GLYATL1: variants seen among roughly 807,000 people sequenced by gnomAD.
The protein encoded by GLYATL1 is glycine-N-acyltransferase like 1.
GLYATL1 carries 15 observed loss-of-function variants against 20.0 expected under a neutral mutation model. The observed-to-expected ratio is 0.75, with a 90% CI of 0.50 to 1.15. The LOEUF (loss-of-function observed/expected upper bound fraction) is 1.15. Among genes scored for constraint, GLYATL1 ranks in the 50% most tolerant of loss-of-function variants. GLYATL1 has a pLI of 0.00. For synonymous variants in GLYATL1, 151 were observed against 131.5 expected (o/e 1.15, Z -1.01); for missense variants, 380 against 368.5 (o/e 1.03, Z -0.26).
chr11:58,951,631 A>C (rs916421047), intron 4 of GLYATL1, among the ~76,000 whole-genome samples: 1 of 152,122 alleles, frequency 6.6e-6, no homozygotes, highest in African/African-American at 2.4e-5. Flanking sequence ...AAATTTTTTC[A>C]TCAAGAAATA....
intron 2 of GLYATL1, among the ~76,000 whole-genome samples, chr11:58,944,637 G>A (rs1856435359): frequency 6.6e-6 from 1 of 151,760 alleles, no homozygotes; most frequent in South Asian, 2.1e-4. Context: ...TCAAGTCCTT[G>A]TCCACATGCA....
At chr11:58,917,762 C>A (rs1168947084) in intron 1 of GLYATL1, among the ~76,000 whole-genome samples, 2 of 152,182 alleles carry the variant, frequency 1.3e-5, no homozygotes, top group African/African-American at 4.8e-5. Context: ...TAAGTTTACT[C>A]ATATCATGGG....
At chr11:58,924,309 C>T (rs1450286668), upstream of GLYATL1, among the ~76,000 whole-genome samples, 1 of 152,212 alleles carries the variant, frequency 6.6e-6, no homozygotes, top group East Asian at 1.9e-4. Context: ...CAATCTCACC[C>T]TGAGAGGGCC....
chr11:58,943,404 T>C, intron 1 of GLYATL1, 139 bp from the exon 2 acceptor site: 1 of 1,530,906 alleles, frequency 6.5e-7, no homozygotes, highest in South Asian at 1.3e-5. Flanking sequence ...TTTTTGTCTA[T>C]AAATTCATTT....
chr11:58,928,271 A>C (rs1855481207), intron 1 of GLYATL1: 1 of 152,112 alleles, frequency 6.6e-6, no homozygotes, highest in East Asian at 1.9e-4. Flanking sequence ...GCTTGAACCA[A>C]CTTTCCCCAG....
Position 58,945,511 on chromosome 11 carries a change from C to T in GLYATL1, c.-42-1535C>T, listed in dbSNP as rs1306495816. Among the ~76,000 whole-genome samples the T allele has an allele frequency of 2.0e-5, 3 of 152,202 alleles. No individual in the cohort carries two copies. The East Asian group carries it at 5.8e-4, about 29-fold the overall frequency. On this transcript the variant is annotated intron_variant, in intron 2 of 6. Coordinates refer to ENST00000532726, the MANE Select transcript of GLYATL1 (RefSeq NM_001389712.2). ...AGCTGATAGGTGTGGGGATTGTTCT[C>T]ATGTATCAGCCCAGGATATAATGTT...
At chr11:58,933,725 C>T (rs2135143922) in intron 1 of GLYATL1, 1 of 152,156 alleles carries the variant, frequency 6.6e-6, no homozygotes, top group East Asian at 1.9e-4. Flanking sequence ...AAACAAGAAA[C>T]TTATTCTAGT....
chr11:58,942,023 T>C (rs1243074765), intron 1 of GLYATL1, among the ~76,000 whole-genome samples: 1 of 152,230 alleles, frequency 6.6e-6, no homozygotes, highest in African/African-American at 2.4e-5. Context: ...TGCTGACAGA[T>C]AACACAAGCT....
chr11:58,945,754 A>G (rs1286989269), intron 2 of GLYATL1, among the ~76,000 whole-genome samples: 1 of 152,174 alleles, frequency 6.6e-6, no homozygotes, highest in Non-Finnish European at 1.5e-5. Flanking sequence ...TGACAGCTAC[A>G]AGAACAGCAG....
upstream of GLYATL1, among the ~76,000 whole-genome samples, chr11:58,924,091 G>A (rs1026514973): frequency 3.9e-5 from 6 of 152,140 alleles, no homozygotes; most frequent in Admixed American, 1.3e-4. Context: ...CTGAGTGTCC[G>A]ACCGCCTGCA....
chr11:58,935,756 A>C (rs1297016218), upstream of GLYATL1: 1 of 152,092 alleles, frequency 6.6e-6, no homozygotes, highest in Non-Finnish European at 1.5e-5. Flanking sequence ...AAACACACAC[A>C]TATATACACA....
intron 1 of GLYATL1, chr11:58,933,574 T>C (rs1444350678): frequency 1.3e-5 from 2 of 152,264 alleles, no homozygotes; most frequent in Non-Finnish European, 2.9e-5. Flanking sequence ...TTATTTTAAA[T>C]TCATTATGAG....
intron 6 of GLYATL1, 59 bp from the exon 7 acceptor site, chr11:58,955,551 C>A: frequency 6.5e-7 from 1 of 1,541,814 alleles, no homozygotes; most frequent in Non-Finnish European, 8.9e-7. Context: ...ATTGGGATGG[C>A]ACCTAGAAAT....
intron 1 of GLYATL1, among the ~76,000 whole-genome samples, chr11:58,922,173 G>A (rs1021046095): frequency 2.0e-5 from 3 of 152,216 alleles, no homozygotes; most frequent in Non-Finnish European, 2.9e-5. Flanking sequence ...GCCTGCAGGT[G>A]CATTGGCTTC....
chr11:58,953,177 G>A (rs1441887791), intron 4 of GLYATL1, among the ~76,000 whole-genome samples: 1 of 152,120 alleles, frequency 6.6e-6, no homozygotes, highest in Non-Finnish European at 1.5e-5. Context: ...CTTTTTAAAA[G>A]GTAGATGTTT....
chr11:58,955,980 G>C lies in GLYATL1; in HGVS notation c.862G>C (p.Glu288Gln). ...GQFGFFEASC[E>Q]WHQWTCYPQN... is the part of the protein sequence containing the mutation. Reference sequence around the variant, plus strand: ...GTTTGGTTTCTTTGAGGCCTCCTGTGAGTGGCACCAATGGACTTGCTACCC... The same window carrying C: ...GTTTGGTTTCTTTGAGGCCTCCTGTCAGTGGCACCAATGGACTTGCTACCC... The change falls in exon 7 of 7, where the codon GAG becomes CAG. Residue 288 changes from glutamate to glutamine, a missense_variant. Transcript: ENST00000532726. The C allele has an allele frequency of 1.9e-6, 3 of 1,613,752 alleles. No homozygotes were observed. The highest frequency in any genetic ancestry group is 1.7e-6 in the Non-Finnish European group (2 of 1,179,624).
At position 58,955,327 on chromosome 11, in the gene GLYATL1, A is replaced by G; in HGVS notation, c.465A>G (p.Thr155=). 1 of 1,613,728 alleles carries G rather than the reference A, an allele frequency of 6.2e-7. No individual in the cohort carries two copies. Among genetic ancestry groups the G allele is most frequent in the Non-Finnish European group, 8.5e-7 (1 of 1,179,856 alleles). Reference sequence around the variant, plus strand: ...GCAAGCTTGGAAGCTGGGCTGAGACAGGCCACCCAGATGATGAATTTGAAA... The same window carrying G: ...GCAAGCTTGGAAGCTGGGCTGAGACGGGCCACCCAGATGATGAATTTGAAA... ...SKSKLGSWAE[T]GHPDDEFESE... is the part of the protein sequence containing the mutation. The change falls in exon 6 of 7, where the codon ACA becomes ACG. Residue 155 remains threonine (T), a synonymous_variant. Coordinates refer to ENST00000532726, the MANE Select transcript of GLYATL1 (RefSeq NM_001389712.2).
intron 6 of GLYATL1, 34 bp downstream of exon 6, chr11:58,955,387 G>A (rs145586643): frequency 5.4e-5 from 85 of 1,569,396 alleles, no homozygotes; most frequent in East Asian, 1.1e-4. Context: ...TTATAATTGC[G>A]ATTCCTTGTA....
chr11:58,947,640 T>TGGTATCACAAGGTATCACAA (rs1856669595), intron 3 of GLYATL1: 1 of 556,632 alleles, frequency 1.8e-6, no homozygotes, highest in Non-Finnish European at 3.2e-6. Flanking sequence ...AGTAGCTCTT[T>TGGTATCACAAGGTATCACAA]GGTATCACAA....
Sources: gnomAD v4.1 joint callset for allele counts (sites outside exome capture counted in the v4.1 genomes callset) on GRCh38, gnomAD v4.1.1 for gene constraint, MANE v1.5 for transcripts, NCBI Gene and HGNC (gene_info 2026-07-23, HGNC 2026-07-21) for gene names.